BRWD3: variants seen among roughly 807,000 people sequenced by gnomAD.
BRWD3 encodes the protein bromodomain and WD repeat domain containing 3, also known as bromodomain and WD repeat-containing protein 3.
Under a neutral mutation model 149.7 loss-of-function variants are expected in BRWD3, and 10 were observed. That is an observed-to-expected ratio of 0.07 (90% confidence interval 0.04 to 0.11). BRWD3 has a LOEUF of 0.11. Among genes scored for constraint, BRWD3 ranks in the 10% least tolerant of loss-of-function variants. The pLI is 1.00. For missense variants in BRWD3, 940 were observed against 1,373.2 expected (o/e 0.68, Z 4.99); for synonymous variants, 504 against 456.7 (o/e 1.10, Z -1.32).
intron 23 of BRWD3, among the ~76,000 whole-genome samples, chrX:80,703,926 T>C (rs1185669548): frequency 9.0e-6 from 1 of 111,490 alleles, no homozygotes; most frequent in East Asian, 2.8e-4. Context: ...ATCAAGAAAA[T>C]AATTGTCTAC....
rs1185360603 is a variant in BRWD3 at position 80,729,897 on chromosome X, A to T, written c.1232+19T>A. On this transcript the variant is annotated intron_variant, in intron 13 of 40. Transcript: ENST00000373275. ...AATATATCATGAGAACCACATAAAC[A>T]TCTAACATATATTCTTACCCAGTCA... 1 of 1,012,316 alleles carries T rather than the reference A, an allele frequency of 9.9e-7. No individual in the cohort carries two copies. Among genetic ancestry groups the T allele is most frequent in the Non-Finnish European group, 1.4e-6 (1 of 714,205 alleles). 83.4% of individuals were successfully genotyped at this position (1,012,316 alleles called of 1,213,427 possible).
Position 80,728,952 on chromosome X carries a change from A to G in BRWD3, c.1233-47T>C, listed in dbSNP as rs1189774717. The G allele has an allele frequency of 2.7e-6, 3 of 1,107,120 alleles. No homozygotes were observed. In the African/African-American group the frequency reaches 5.4e-5, roughly 20 times the overall value. 91.2% of individuals were successfully genotyped at this position (1,107,120 alleles called of 1,213,427 possible). A position where few individuals can be genotyped will look rare whatever the true frequency, so the allele number is the denominator to read the frequency against. On this transcript the variant is annotated intron_variant, in intron 13 of 40. Transcript: ENST00000373275. ...ATTCATATCTTATAAATTTTTGACA[A>G]AGGTGCATGTTAAATAGCAAATTAT...
intron 6 of BRWD3, among the ~76,000 whole-genome samples, chrX:80,790,836 T>TA (rs1302783683): frequency 8.9e-6 from 1 of 111,834 alleles, no homozygotes; most frequent in African/African-American, 3.2e-5. Context: ...ATATATTAAT[T>TA]ATGACTAAAG....
rs893126164 is a variant in BRWD3, at chrX:80,803,463, C to A, written c.180+5076G>T. Reference sequence around the variant, plus strand: ...AAAGGATTTTAAATCATTGAAAGTACGTTCCTTAGAGCCCATCTGTGGAAA... The same window carrying A: ...AAAGGATTTTAAATCATTGAAAGTAAGTTCCTTAGAGCCCATCTGTGGAAA... On this transcript the variant is annotated intron_variant, in intron 4 of 40. Coordinates refer to ENST00000373275, the MANE Select transcript of BRWD3 (RefSeq NM_153252.5). Among the ~76,000 whole-genome samples, 4 of 111,262 alleles carry A rather than the reference C, an allele frequency of 3.6e-5. No homozygotes were observed. In the East Asian group the frequency reaches 1.1e-3, roughly 31 times the overall value.
chrX:80,712,283 T>G (rs965451769), intron 20 of BRWD3, among the ~76,000 whole-genome samples: 14 of 110,878 alleles, frequency 1.3e-4, no homozygotes, highest in Non-Finnish European at 2.1e-4. Context: ...CGAGTGCCTG[T>G]GATTGCAGGC....
chrX:80,764,746 G>A (rs1440857576), intron 6 of BRWD3, among the ~76,000 whole-genome samples: 2 of 110,824 alleles, frequency 1.8e-5, no homozygotes, highest in Non-Finnish European at 3.8e-5. Flanking sequence ...AGACAGACTA[G>A]GAGAAAATAT....
At chrX:80,754,585 T>C (rs915520635) in intron 6 of BRWD3, among the ~76,000 whole-genome samples, 1 of 112,295 alleles carries the variant, frequency 8.9e-6, no homozygotes, top group Non-Finnish European at 1.9e-5. Context: ...CTTGCTCCAG[T>C]TCTTAGAAGA....
intron 14 of BRWD3, among the ~76,000 whole-genome samples, chrX:80,726,020 A>G (rs1305760731): frequency 1.9e-5 from 2 of 107,472 alleles, no homozygotes; most frequent in East Asian, 3.1e-4. Context: ...TTATATGTCT[A>G]TATAACATAT....
chrX:80,731,621 G>A (rs183510327), intron 12 of BRWD3, among the ~76,000 whole-genome samples: 9 of 110,840 alleles, frequency 8.1e-5, no homozygotes, highest in Admixed American at 2.9e-4. Context: ...TAGGCCGGGC[G>A]CAGTGGCTCA....
At chrX:80,797,778 T>C (rs1437744987) in intron 4 of BRWD3, among the ~76,000 whole-genome samples, 1 of 111,605 alleles carries the variant, frequency 9.0e-6, no homozygotes, top group African/African-American at 3.3e-5. Context: ...ATTGAAAAAG[T>C]CCTTTGCTCT....
At position 80,704,921 on chromosome X, in the gene BRWD3, C is replaced by A. The variant is rs1476698991; in HGVS notation, c.2553-75G>T. On this transcript the variant is annotated intron_variant, in intron 22 of 40. Transcript: ENST00000373275. Reference sequence around the variant, plus strand: ...TTTACTTAATAATTGAAAGATCATTCTGTAAGCAAACAGCATTATAAATGA... The same window carrying A: ...TTTACTTAATAATTGAAAGATCATTATGTAAGCAAACAGCATTATAAATGA... 9 of 998,055 alleles carry A rather than the reference C, an allele frequency of 9.0e-6. No homozygotes were observed. The African/African-American group carries it at 1.7e-4, about 19-fold the overall frequency. 82.3% of individuals were successfully genotyped at this position (998,055 alleles called of 1,213,427 possible).
At chrX:80,678,535 T>A (rs2072400181) in intron 40 of BRWD3, among the ~76,000 whole-genome samples, 1 of 111,522 alleles carries the variant, frequency 9.0e-6, no homozygotes, top group African/African-American at 3.3e-5. Flanking sequence ...AGGGTAGAGC[T>A]GGAGATATAA....
chrX:80,676,781 C>T lies in BRWD3; in HGVS notation c.5237G>A (p.Arg1746Gln), dbSNP rs918551619. 5.0e-6 allele frequency: 6 copies of T among 1,210,592 alleles called. No individual in the cohort carries two copies. Among genetic ancestry groups the T allele is most frequent in the Non-Finnish European group, 6.7e-6 (6 of 895,013 alleles). ...MFSGRFSRLP[R>Q]IKTRNQGRRT... ...CCTGCCTTGGTTTCTTGTTTTAATT[C>T]GAGGCAGTCTACTGAAACGTCCTGA... The change falls in exon 41 of 41, where the codon CGA becomes CAA. Residue 1746 changes from arginine to glutamine, a missense_variant. Physicochemically the swap from Arg to Gln is conservative, Grantham distance 43. Transcript: ENST00000373275.
intron 13 of BRWD3, 51 bp from the exon 14 acceptor site, chrX:80,728,956 T>C (rs768671244): frequency 9.1e-7 from 1 of 1,103,135 alleles, no homozygotes; most frequent in Non-Finnish European, 1.3e-6. Context: ...TTGACAAAGG[T>C]GCATGTTAAA....
intron 6 of BRWD3, among the ~76,000 whole-genome samples, chrX:80,766,398 A>G (rs768532851): frequency 9.0e-5 from 10 of 111,307 alleles, no homozygotes; most frequent in Non-Finnish European, 1.7e-4. Context: ...TATAATAAAT[A>G]CATCTATCAA....
Position 80,669,570 on chromosome X carries a change from TAC to T in BRWD3, c.*7037_*7038del, listed in dbSNP as rs753433679. Among the ~76,000 whole-genome samples, 32 of 112,053 alleles carry T rather than the reference TAC, an allele frequency of 2.9e-4. No individual in the cohort carries two copies. The highest frequency in any genetic ancestry group is 5.6e-4 in the Non-Finnish European group (30 of 53,177). ...AAACAGTACTTTTCAAATGATCTAT[TAC>T]ACAATTTGTTATGCAAATTTCATTT... is the stretch of plus-strand genomic sequence containing the variant. On this transcript the variant is annotated 3_prime_UTR_variant, in exon 41 of 41. Coordinates refer to ENST00000373275, the MANE Select transcript of BRWD3 (RefSeq NM_153252.5).
chrX:80,787,928 C>CA (rs1414420617), intron 6 of BRWD3, among the ~76,000 whole-genome samples: 3 of 107,913 alleles, frequency 2.8e-5, no homozygotes, highest in Non-Finnish European at 1.9e-5. Context: ...ACTAAAAATA[C>CA]AAAAAATTAG....
At chrX:80,768,528 G>A (rs1188912820) in intron 6 of BRWD3, among the ~76,000 whole-genome samples, 1 of 111,156 alleles carries the variant, frequency 9.0e-6, no homozygotes, top group African/African-American at 3.3e-5. Flanking sequence ...ACAAGCAAAC[G>A]CTGAGAGATT....
At chrX:80,700,442 A>ATATATATATATATATATATAT (rs58761845) in intron 24 of BRWD3, among the ~76,000 whole-genome samples, 4 of 94,695 alleles carry the variant, frequency 4.2e-5, no homozygotes, top group Admixed American at 1.2e-4. Context: ...TGATATATAT[A>ATATATATATATATATATATAT]ACAATACAAT....
Sources: gnomAD v4.1 joint callset for allele counts (sites outside exome capture counted in the v4.1 genomes callset) on GRCh38, gnomAD v4.1.1 for gene constraint, MANE v1.5 for transcripts, NCBI Gene and HGNC (gene_info 2026-07-23, HGNC 2026-07-21) for gene names.